The following CTNND2 variants were observed in gnomAD, a reference collection of about 807,000 sequenced individuals.
CTNND2 encodes catenin delta-2.
CTNND2 carries 22 observed loss-of-function variants against 144.4 expected under a neutral mutation model. That is an observed-to-expected ratio of 0.15 (90% CI 0.11 to 0.22). The LOEUF (loss-of-function observed/expected upper bound fraction) is 0.22. Among genes scored for constraint, CTNND2 ranks in the 10% least tolerant of loss-of-function variants. CTNND2 has a pLI of 1.00. For synonymous variants in CTNND2, 751 were observed against 695.6 expected, an observed-to-expected ratio of 1.08 and a Z score of -1.25; for missense variants, 1,353 against 1,618.8, an observed-to-expected ratio of 0.84 and a Z score of 2.82.
rs563093688 is a variant in CTNND2 at position 11,757,188 on chromosome 5, TAC to T, written c.38-24918_38-24917del. ...ACACACAAATCGATATACACACATA[TAC>T]ACACACACACACATAACAAAAATGT... is the stretch of plus-strand genomic sequence containing the variant. On this transcript the variant is annotated intron_variant, in intron 1 of 21. Coordinates refer to ENST00000304623, the MANE Select transcript of CTNND2 (RefSeq NM_001332.4). Among the ~76,000 whole-genome samples the T allele has an allele frequency of 2.0e-3, 299 of 150,270 alleles. 2 individuals carry two copies. Among genetic ancestry groups the T allele is most frequent in the Non-Finnish European group, 3.1e-3 (209 of 67,168 alleles).
At chr5:11,274,924 T>A (rs182277502) in intron 9 of CTNND2, among the ~76,000 whole-genome samples, 1 of 152,158 alleles carries the variant, frequency 6.6e-6, no homozygotes, top group Non-Finnish European at 1.5e-5. Flanking sequence ...AAAATCTTTC[T>A]GTTGCAAGAA....
rs1403479198 is a variant in CTNND2, at chr5:11,259,268, CT to C, written c.1629-22446del. Among the ~76,000 whole-genome samples the C allele has an allele frequency of 2.6e-5, 4 of 152,180 alleles. No individual in the cohort carries two copies. The East Asian group carries it at 7.7e-4, about 29-fold the overall frequency. The stretch of plus-strand genomic sequence containing the variant: ...TTAAAATCAATCTCTCTCTTTCTCC[CT>C]CTCTGTGTGTATATGTGGGTCTCTT... On this transcript the variant is annotated intron_variant, in intron 9 of 21. Transcript: ENST00000304623.
intron 2 of CTNND2, among the ~76,000 whole-genome samples, chr5:11,662,743 C>T (rs1783342352): frequency 6.6e-6 from 1 of 152,150 alleles, no homozygotes; most frequent in Non-Finnish European, 1.5e-5. Flanking sequence ...TGCAAGAGAT[C>T]TAGGTTGTGC....
chr5:11,065,735 C>T (rs1312006484), intron 16 of CTNND2, among the ~76,000 whole-genome samples: 2 of 152,100 alleles, frequency 1.3e-5, no homozygotes, highest in African/African-American at 4.8e-5. Context: ...ATTTACTTTC[C>T]AATTTGACTC....
intron 12 of CTNND2, among the ~76,000 whole-genome samples, chr5:11,121,621 T>G (rs1230963215): frequency 1.3e-5 from 2 of 152,162 alleles, no homozygotes; most frequent in African/African-American, 2.4e-5. Flanking sequence ...ACCAATCTAT[T>G]TTTTATTTTA....
At chr5:11,689,415 A>G (rs367643549) in intron 2 of CTNND2, among the ~76,000 whole-genome samples, 15 of 152,334 alleles carry the variant, frequency 9.8e-5, no homozygotes, top group African/African-American at 3.4e-4. Context: ...GTTGCCCTCA[A>G]ATTAAATAAT....
chr5:11,855,111 A>G (rs1795194163), intron 1 of CTNND2, among the ~76,000 whole-genome samples: 1 of 152,194 alleles, frequency 6.6e-6, no homozygotes, highest in Non-Finnish European at 1.5e-5. Flanking sequence ...TCAAGCATAA[A>G]AAACCTGTAA....
chr5:11,070,484 A>T (rs1748138563), intron 16 of CTNND2, among the ~76,000 whole-genome samples: 1 of 152,214 alleles, frequency 6.6e-6, no homozygotes, highest in Non-Finnish European at 1.5e-5. Flanking sequence ...CCTACAGGAC[A>T]ATATCATGTA....
intron 3 of CTNND2, among the ~76,000 whole-genome samples, chr5:11,463,402 T>C (rs573131472): frequency 5.9e-5 from 9 of 152,312 alleles, no homozygotes; most frequent in Middle Eastern, 3.4e-3. Context: ...TGTGTTTGTA[T>C]TGAAAAATTT....
intron 11 of CTNND2, among the ~76,000 whole-genome samples, chr5:11,191,799 C>T (rs1158268994): frequency 6.6e-6 from 1 of 152,088 alleles, no homozygotes; most frequent in African/African-American, 2.4e-5. Flanking sequence ...TTGTGTATCA[C>T]TCATGTGGCA....
intron 2 of CTNND2, among the ~76,000 whole-genome samples, chr5:11,608,003 C>T (rs541188335): frequency 3.3e-5 from 5 of 152,180 alleles, no homozygotes; most frequent in African/African-American, 9.6e-5. Flanking sequence ...ATCAACAGTT[C>T]CCAACAAATC....
chr5:11,679,269 C>T (rs1157418328), intron 2 of CTNND2, among the ~76,000 whole-genome samples: 3 of 152,136 alleles, frequency 2.0e-5, no homozygotes, highest in Admixed American at 2.0e-4. Flanking sequence ...TATAACTCTA[C>T]TACACACACA....
chr5:11,332,475 T>C (rs1298016084), intron 9 of CTNND2, among the ~76,000 whole-genome samples: 9 of 152,162 alleles, frequency 5.9e-5, no homozygotes, highest in Admixed American at 3.9e-4. Flanking sequence ...CTATTTATGA[T>C]GGTAAAATAT....
intron 10 of CTNND2, among the ~76,000 whole-genome samples, chr5:11,235,133 C>T (rs1741483240): frequency 6.6e-6 from 1 of 152,192 alleles, no homozygotes; most frequent in South Asian, 2.1e-4. Flanking sequence ...GTCCATCCCA[C>T]TTCGGCGGGG....
intron 2 of CTNND2, among the ~76,000 whole-genome samples, chr5:11,575,129 C>T (rs1777878510): frequency 6.6e-6 from 1 of 152,180 alleles, no homozygotes; most frequent in South Asian, 2.1e-4. Flanking sequence ...ATAGCACTAA[C>T]AACGCTTTCC....
intron 2 of CTNND2, among the ~76,000 whole-genome samples, chr5:11,661,140 T>C (rs902808058): frequency 1.3e-5 from 2 of 152,176 alleles, no homozygotes; most frequent in African/African-American, 4.8e-5. Context: ...ACTTTAGATG[T>C]GTACTGTTAT....
chr5:11,583,984 G>A (rs554606924), intron 2 of CTNND2, among the ~76,000 whole-genome samples: 6 of 152,176 alleles, frequency 3.9e-5, no homozygotes, highest in Non-Finnish European at 7.4e-5. Context: ...CTGTTTTTAC[G>A]GTTTCCAATT....
intron 1 of CTNND2, among the ~76,000 whole-genome samples, chr5:11,883,294 C>T (rs1736265794): frequency 1.3e-5 from 2 of 152,056 alleles, no homozygotes; most frequent in Admixed American, 1.3e-4. Context: ...AACCTGTCAC[C>T]TACATTAGGT....
At chr5:11,282,431 C>T (rs752933696) in intron 9 of CTNND2, among the ~76,000 whole-genome samples, 33 of 152,204 alleles carry the variant, frequency 2.2e-4, no homozygotes, top group South Asian at 1.7e-3. Context: ...AACATGATGT[C>T]GGGAAGATAA....
Sources: gnomAD v4.1 joint callset for allele counts (sites outside exome capture counted in the v4.1 genomes callset) on GRCh38, gnomAD v4.1.1 for gene constraint, MANE v1.5 for transcripts, NCBI Gene and HGNC (gene_info 2026-07-23, HGNC 2026-07-21) for gene names.